Variants in STAT5B observed in about 807,000 individuals in gnomAD.
STAT5B encodes the protein transcription factor STAT5B.
A neutral mutation model predicts 107.8 loss-of-function variants in STAT5B; 21 were observed. The observed-to-expected ratio is 0.19, with a 90% CI of 0.14 to 0.28. The LOEUF is 0.28. Among genes scored for constraint, STAT5B ranks in the 10% least tolerant of loss-of-function variants. The probability of loss-of-function intolerance (pLI) is 1.00; values close to 1 mark genes in which losing one functional copy is unlikely to be tolerated. For synonymous variants in STAT5B, 325 were observed against 401.7 expected, an observed-to-expected ratio of 0.81 and a Z score of 2.28; for missense variants, 565 against 1,008.2, an observed-to-expected ratio of 0.56 and a Z score of 5.95.
Position 42,219,731 on chromosome 17 carries a change from G to C in STAT5B, c.662C>G (p.Thr221Arg). 1 of 1,607,760 alleles carries C rather than the reference G, an allele frequency of 6.2e-7. No individual in the cohort carries two copies. The highest frequency in any genetic ancestry group is 8.5e-7 in the Non-Finnish European group (1 of 1,177,832). Residue 221 changes from threonine to arginine, a missense_variant, in exon 6 of 19, where the codon ACA (threonine) becomes AGA (arginine). Physicochemically the swap from Thr to Arg is moderately conservative, Grantham distance 71. This residue lies in a region of STAT5B where 56 missense variants were observed against 104.5 expected (regional missense o/e 0.54). Transcript: ENST00000293328. Reference sequence around the variant, plus strand: ...ACTCACCACGCGGTACTGCTGCAGTGTCTGTGCCTCACGCTGCAACCAGGC... The same window carrying C: ...ACTCACCACGCGGTACTGCTGCAGTCTCTGTGCCTCACGCTGCAACCAGGC... ...LEAWLQREAQTLQQYRVELAE... is the reference protein window; with the variant it reads ...LEAWLQREAQRLQQYRVELAE...
intron 1 of STAT5B, among the ~76,000 whole-genome samples, chr17:42,273,613 T>C (rs1457536060): frequency 6.6e-6 from 1 of 152,226 alleles, no homozygotes; most frequent in Non-Finnish European, 1.5e-5. Flanking sequence ...CTTTATGAGA[T>C]ACAGACATTT....
intron 3 of STAT5B, among the ~76,000 whole-genome samples, chr17:42,225,197 G>A (rs541653700): frequency 6.6e-5 from 10 of 152,166 alleles, no homozygotes; most frequent in African/African-American, 2.2e-4. Context: ...TGGGATTACA[G>A]GGGCCCGCCA....
Position 42,258,526 on chromosome 17 carries a change from A to T in STAT5B, c.-11+17722T>A, listed in dbSNP as rs570612991. ...AAACCCTGTCTCTACTAAAAATACA[A>T]AAATTAGCTGGGCATGGTGGAACTT... On this transcript the variant is annotated intron_variant, in intron 1 of 18. Transcript: ENST00000293328. Among the ~76,000 whole-genome samples, 6 of 152,296 alleles carry T rather than the reference A, an allele frequency of 3.9e-5. No homozygotes were observed. The South Asian group carries it at 1.2e-3, about 32-fold the overall frequency.
intron 1 of STAT5B, among the ~76,000 whole-genome samples, chr17:42,248,742 C>T (rs1023693810): frequency 2.0e-5 from 3 of 152,208 alleles, no homozygotes; most frequent in East Asian, 1.9e-4. Context: ...CTTTCACAGG[C>T]GGCACTGTTA....
At chr17:42,262,915 T>C (rs2080620990) in intron 1 of STAT5B, among the ~76,000 whole-genome samples, 1 of 123,018 alleles carries the variant, frequency 8.1e-6, no homozygotes, top group Admixed American at 8.4e-5. Flanking sequence ...TGTGTATATA[T>C]ATGTGTGTAT....
At position 42,251,826 on chromosome 17, in the gene STAT5B, C is replaced by T. The variant is rs562655001; in HGVS notation, c.-10-19689G>A. Among the ~76,000 whole-genome samples, 27 of 151,164 alleles carry T rather than the reference C, an allele frequency of 1.8e-4. 1 individual carries two copies. Among genetic ancestry groups the T allele is most frequent in the Admixed American group, 1.5e-3 (23 of 15,230 alleles). On this transcript the variant is annotated intron_variant, in intron 1 of 18. Coordinates refer to ENST00000293328, the MANE Select transcript of STAT5B (RefSeq NM_012448.4). ...CAGACTGGCCAGCATGGTGAAACCC[C>T]GTCTCTACTAAAAATACAAAAAATT... is the stretch of plus-strand genomic sequence containing the variant.
intron 1 of STAT5B, among the ~76,000 whole-genome samples, chr17:42,259,667 A>T (rs2080577338): frequency 6.6e-6 from 1 of 151,936 alleles, no homozygotes. Flanking sequence ...GGTGCCTGTA[A>T]TCCCAGCTAC....
intron 1 of STAT5B, among the ~76,000 whole-genome samples, chr17:42,246,620 G>A (rs983033492): frequency 1.3e-5 from 2 of 152,078 alleles, no homozygotes; most frequent in African/African-American, 2.4e-5. Flanking sequence ...AACGGTACCA[G>A]AATTTCTTTA....
intron 1 of STAT5B, among the ~76,000 whole-genome samples, chr17:42,233,642 C>T (rs1026901114): frequency 2.6e-5 from 4 of 152,054 alleles, no homozygotes; most frequent in Non-Finnish European, 5.9e-5. Context: ...AGGCGCCCGC[C>T]ACCACGCCCG....
intron 1 of STAT5B, among the ~76,000 whole-genome samples, chr17:42,237,234 C>T (rs1377545184): frequency 2.0e-5 from 3 of 152,090 alleles, no homozygotes; most frequent in African/African-American, 7.2e-5. Flanking sequence ...CAGTCGGGCC[C>T]TCAGGCACTT....
intron 1 of STAT5B, among the ~76,000 whole-genome samples, chr17:42,262,988 A>G (rs867273598): frequency 6.0e-4 from 30 of 50,176 alleles, no homozygotes; most frequent in East Asian, 4.4e-3. Flanking sequence ...ATATATATAT[A>G]TATATATATA....
chr17:42,236,829 C>T (rs1195242710), intron 1 of STAT5B, among the ~76,000 whole-genome samples: 2 of 152,228 alleles, frequency 1.3e-5, no homozygotes, highest in African/African-American at 4.8e-5. Flanking sequence ...TTCATCTAAC[C>T]GGCATTCATC....
chr17:42,243,136 T>C (rs1331693455), intron 1 of STAT5B, among the ~76,000 whole-genome samples: 1 of 148,878 alleles, frequency 6.7e-6, no homozygotes, highest in Admixed American at 6.7e-5. Flanking sequence ...AAAAAAAAAA[T>C]GTTAAAAATA....
At position 42,210,310 on chromosome 17, in the gene STAT5B, C is replaced by T; in HGVS notation, c.1776-9G>A. ...CAAACCCCAAAATGGCCCTGGATCA[C>T]CAAGGACAAAGGACAGAAGCAGAGT... On this transcript the variant is annotated splice_polypyrimidine_tract_variant and intron_variant, in intron 14 of 18. Transcript: ENST00000293328. The T allele has an allele frequency of 6.2e-7, 1 of 1,614,120 alleles. No homozygotes were observed. The highest frequency in any genetic ancestry group is 8.5e-7 in the Non-Finnish European group (1 of 1,180,036).
chr17:42,224,653 G>T (rs1174998767), intron 4 of STAT5B, 126 bp downstream of exon 4: 3 of 940,510 alleles, frequency 3.2e-6, no homozygotes, highest in African/African-American at 1.6e-5. Context: ...GTGCCCCTTA[G>T]GATGAAGCTC....
At position 42,201,747 on chromosome 17, in the gene STAT5B, T is replaced by C. The variant is rs2080046047; in HGVS notation, c.2355A>G (p.Ala785=). ...RPMDSQWIPH[A]QS The stretch of plus-strand genomic sequence containing the variant: ...TGGAGAGGTCGCGGGGTCACGATTG[T>C]GCGTGCGGGATCCACTGACTGTCCA... The change falls in exon 19 of 19, where the codon GCA becomes GCG. Residue 785 remains alanine (A), a synonymous_variant. Coordinates refer to ENST00000293328, the MANE Select transcript of STAT5B (RefSeq NM_012448.4). 1 of 1,604,910 alleles carries C rather than the reference T, an allele frequency of 6.2e-7. No individual in the cohort carries two copies. Among genetic ancestry groups the C allele is most frequent in the South Asian group, 1.1e-5 (1 of 90,898 alleles).
chr17:42,268,224 T>A (rs2080690926), intron 1 of STAT5B, among the ~76,000 whole-genome samples: 1 of 152,178 alleles, frequency 6.6e-6, no homozygotes, highest in Admixed American at 6.5e-5. Context: ...TTTTATCCTT[T>A]ATGCCATGTT....
At chr17:42,204,175 T>C (rs2080068295) in intron 16 of STAT5B, among the ~76,000 whole-genome samples, 1 of 152,228 alleles carries the variant, frequency 6.6e-6, no homozygotes, top group African/African-American at 2.4e-5. Context: ...AAGAATGCGA[T>C]GTGTCCTTTG....
At chr17:42,270,756 A>G (rs1046524459) in intron 1 of STAT5B, 1 of 152,228 alleles carries the variant, frequency 6.6e-6, no homozygotes, top group African/African-American at 2.4e-5. Flanking sequence ...TACACTAGTT[A>G]GGGATGCAGT....
Sources: allele counts gnomAD v4.1 joint callset (sites outside exome capture counted in the v4.1 genomes callset), GRCh38; gene constraint gnomAD v4.1.1; regional missense constraint gnomAD v4.1.1; transcripts MANE v1.5; gene names NCBI Gene and HGNC (gene_info 2026-07-23, HGNC 2026-07-21).